The following TMEM176B variants were observed in gnomAD, a reference collection of about 807,000 sequenced individuals.
The protein encoded by TMEM176B is LR8-like protein.
In TMEM176B, 28 loss-of-function variants were observed where a neutral mutation model predicts 30.3. The ratio of observed to expected loss-of-function variants is 0.92; its 90% CI spans 0.68 to 1.27. TMEM176B has a LOEUF of 1.27. Among genes scored for constraint, TMEM176B ranks in the 50% most tolerant of loss-of-function variants. The pLI, the probability that TMEM176B is intolerant of heterozygous loss-of-function variation, is 0.00. For missense variants in TMEM176B, 349 were observed against 327.4 expected (o/e 1.07, Z -0.51); for synonymous variants, 123 against 130.3 (o/e 0.94, Z 0.38).
At chr7:150,796,629 T>G (rs1798540010) in intron 1 of TMEM176B, 55 bp from the exon 2 acceptor site, 1 of 1,539,968 alleles carries the variant, frequency 6.5e-7, no homozygotes, top group African/African-American at 1.4e-5. Flanking sequence ...GAGGGAAAAA[T>G]ACACAGCACA....
rs978102306 is a variant in TMEM176B, at chr7:150,791,578, G to A, written c.766C>T (p.Pro256Ser). The A allele has an allele frequency of 5.6e-6, 9 of 1,613,868 alleles. No homozygotes were observed. Among genetic ancestry groups the A allele is most frequent in the Non-Finnish European group, 7.6e-6 (9 of 1,179,974 alleles). ...GTCTGCTCCCTAGAGGGCGAAGGGG[G>A]CACTGAATTCTCCCCCAGTAGCCTC... The part of the protein sequence containing the change: ...EKRLLGENSV[P>S]PSPSREQTST... The change falls in exon 7 of 7, where the codon CCC (proline) becomes TCC (serine). Residue 256 changes from proline to serine, a missense_variant. By Grantham distance (74) the Pro-to-Ser change is moderately conservative. Coordinates refer to ENST00000326442, the MANE Select transcript of TMEM176B (RefSeq NM_001101312.2).
At chr7:150,796,610 G>T (rs1450204075) in intron 1 of TMEM176B, 36 bp from the exon 2 acceptor site, 1 of 1,602,892 alleles carries the variant, frequency 6.2e-7, no homozygotes, top group East Asian at 2.2e-5. Context: ...TGAGGTCTGG[G>T]AACTAGGCGA....
chr7:150,794,462 T>C (rs557096734), intron 2 of TMEM176B, among the ~76,000 whole-genome samples: 4 of 151,736 alleles, frequency 2.6e-5, no homozygotes, highest in Non-Finnish European at 4.4e-5. Context: ...TCTTGAGGGC[T>C]CTGTGGCAGA....
At position 150,793,334 on chromosome 7, in the gene TMEM176B, C is replaced by A; in HGVS notation, c.373-19G>T. ...TATAGCCCTGGAAGAGAAAGAGGGT[C>A]ATGACACACGCTCCTTCAATCGGTG... On this transcript the variant is annotated intron_variant, in intron 4 of 6. Transcript: ENST00000326442. The A allele has an allele frequency of 6.2e-7, 1 of 1,608,700 alleles. No homozygotes were observed. Among genetic ancestry groups the A allele is most frequent in the South Asian group, 1.1e-5 (1 of 90,526 alleles).
At chr7:150,800,726 AC>A (rs1486467333), upstream of TMEM176B, 1 of 77,046 alleles carries the variant, frequency 1.3e-5, no homozygotes, top group South Asian at 4.6e-4. Flanking sequence ...GTTCAGCCCC[AC>A]CCCCGCCTCC....
rs933777577 is a variant in TMEM176B at position 150,796,694 on chromosome 7, C to T, written c.-5-120G>A. On this transcript the variant is annotated intron_variant, in intron 1 of 6. Transcript: ENST00000326442. Reference sequence around the variant, plus strand: ...AAGATCCCAGCTGGGCACAATAGCTCACGCCTGTAATCCCAGTGCTTTGGG... The same window carrying T: ...AAGATCCCAGCTGGGCACAATAGCTTACGCCTGTAATCCCAGTGCTTTGGG... 4.0e-6 allele frequency: 4 copies of T among 990,320 alleles called. No homozygotes were observed. In the African/African-American group the frequency reaches 4.8e-5, roughly 12 times the overall value. The allele number at this position is 990,320 out of a possible 1,614,324, so 61.3% of individuals were successfully genotyped here.
At chr7:150,800,727 C>CCCCCGCCTCCCCT (rs1204283728), upstream of TMEM176B, 3 of 149,282 alleles carry the variant, frequency 2.0e-5, no homozygotes, top group East Asian at 3.9e-4. Flanking sequence ...TTCAGCCCCA[C>CCCCCGCCTCCCCT]CCCCGCCTCC....
At chr7:150,797,158 T>C (rs1798561872) in intron 1 of TMEM176B, among the ~76,000 whole-genome samples, 1 of 152,222 alleles carries the variant, frequency 6.6e-6, no homozygotes, top group Admixed American at 6.5e-5. Flanking sequence ...GCCTTGCAGA[T>C]GCAAAGTAAT....
chr7:150,793,027 C>T, intron 5 of TMEM176B, 61 bp downstream of exon 5: 2 of 1,559,500 alleles, frequency 1.3e-6, no homozygotes, highest in Non-Finnish European at 1.8e-6. Flanking sequence ...TCCAGGGCCC[C>T]CAGCTCCCTG....
intron 4 of TMEM176B, 49 bp downstream of exon 4, chr7:150,793,495 T>C (rs1219318419): frequency 1.2e-6 from 2 of 1,603,294 alleles, no homozygotes; most frequent in African/African-American, 2.7e-5. Context: ...GGAGCAGAAT[T>C]CAGGAGGGGG....
chr7:150,798,524 C>T (rs1295579859), intron 1 of TMEM176B, among the ~76,000 whole-genome samples: 1 of 152,198 alleles, frequency 6.6e-6, no homozygotes, highest in Admixed American at 6.5e-5. Context: ...ATCCGCCCGC[C>T]TCGGCCTCCC....
chr7:150,796,656 T>C (rs1465166291), intron 1 of TMEM176B, 82 bp from the exon 2 acceptor site: 5 of 1,383,270 alleles, frequency 3.6e-6, no homozygotes, highest in Admixed American at 1.9e-5. Context: ...AGGAGAGAAA[T>C]AGTGTCTTTG....
At chr7:150,800,871 C>T, upstream of TMEM176B, 1 of 980,346 alleles carries the variant, frequency 1.0e-6, no homozygotes, top group Non-Finnish European at 1.2e-6. Context: ...GGCCTCCTTC[C>T]GCACGCACCC....
chr7:150,791,461 GAGCCAGGAGTGGGGGCCCTGGGCTGC>G lies in TMEM176B; in HGVS notation c.*44_*69del. 3.8e-6 allele frequency: 5 copies of G among 1,327,948 alleles called. No individual in the cohort carries two copies. Among genetic ancestry groups the G allele is most frequent in the Non-Finnish European group, 5.3e-6 (5 of 939,142 alleles). The allele number at this position is 1,327,948 out of a possible 1,614,324, so 82.3% of individuals were successfully genotyped here. On this transcript the variant is annotated 3_prime_UTR_variant, in exon 7 of 7. Coordinates refer to ENST00000326442, the MANE Select transcript of TMEM176B (RefSeq NM_001101312.2). The stretch of plus-strand genomic sequence containing the variant: ...CGGCCATAGGGGAGGCAAGTGTGAG[GAGCCAGGAGTGGGGGCCCTGGGCTGC>G]CCTAGACAGGGACATGCGGGCACCC...
Position 150,791,456 on chromosome 7 carries a change from G to A in TMEM176B, c.*75C>T. ...GAGAGCGGCCATAGGGGAGGCAAGT[G>A]TGAGGAGCCAGGAGTGGGGGCCCTG... is the stretch of plus-strand genomic sequence containing the variant. On this transcript the variant is annotated 3_prime_UTR_variant, in exon 7 of 7. Coordinates refer to ENST00000326442, the MANE Select transcript of TMEM176B (RefSeq NM_001101312.2). 7.8e-7 allele frequency: 1 copy of A among 1,275,620 alleles called. No homozygotes were observed. The highest frequency in any genetic ancestry group is 1.1e-6 in the Non-Finnish European group (1 of 893,984). 79.0% of individuals were successfully genotyped at this position (1,275,620 alleles called of 1,614,324 possible).
chr7:150,793,039 G>A, intron 5 of TMEM176B, 49 bp downstream of exon 5: 1 of 1,595,054 alleles, frequency 6.3e-7, no homozygotes, highest in Non-Finnish European at 8.6e-7. Context: ...AGCTCCCTGG[G>A]AAAAAAGAGC....
chr7:150,797,471 GT>G (rs1244016065), intron 1 of TMEM176B, among the ~76,000 whole-genome samples: 2 of 152,188 alleles, frequency 1.3e-5, no homozygotes, highest in Non-Finnish European at 2.9e-5. Context: ...GAAGACAAAG[GT>G]TTTTAAAGGA....
Position 150,791,590 on chromosome 7 carries a change from C to T in TMEM176B, c.754G>A (p.Glu252Lys). Residue 252 changes from glutamate (E) to lysine (K), a missense_variant, in exon 7 of 7, where the codon GAG (glutamate) becomes AAG (lysine). Coordinates refer to ENST00000326442, the MANE Select transcript of TMEM176B (RefSeq NM_001101312.2). ...GAGGGCGAAGGGGGCACTGAATTCT[C>T]CCCCAGTAGCCTCTTCTCTGATCCT... ...EEGSEKRLLG[E>K]NSVPPSPSRE... The T allele has an allele frequency of 1.2e-6, 2 of 1,613,842 alleles. No individual in the cohort carries two copies. The highest frequency in any genetic ancestry group is 1.7e-6 in the Non-Finnish European group (2 of 1,179,944).
chr7:150,794,275 A>G (rs1424389092), intron 2 of TMEM176B, among the ~76,000 whole-genome samples: 1 of 151,722 alleles, frequency 6.6e-6, no homozygotes, highest in Non-Finnish European at 1.5e-5. Context: ...CACCCTTCTC[A>G]TAGGCTTGGC....
Sources: allele counts gnomAD v4.1 joint callset (sites outside exome capture counted in the v4.1 genomes callset), GRCh38; gene constraint gnomAD v4.1.1; transcripts MANE v1.5; gene names NCBI Gene and HGNC (gene_info 2026-07-23, HGNC 2026-07-21).